The following SIPA1L1 variants were observed in gnomAD, a reference collection of about 807,000 sequenced individuals.
The protein encoded by SIPA1L1 is signal induced proliferation associated 1 like 1.
A neutral mutation model predicts 162.7 loss-of-function variants in SIPA1L1; 26 were observed. That is an observed-to-expected ratio of 0.16 (90% confidence interval 0.12 to 0.22). The LOEUF (loss-of-function observed/expected upper bound fraction) is 0.22, where lower values mean the gene tolerates loss of function less well. SIPA1L1 is among the 10% of genes least tolerant of loss of function. SIPA1L1 has a pLI of 1.00. For synonymous variants in SIPA1L1, 829 were observed against 837.4 expected (o/e 0.99, Z 0.17); for missense variants, 1,874 against 2,241.0 (o/e 0.84, Z 3.31).
chr14:71,408,066 CTT>C (rs1375406573), intron 2 of SIPA1L1, among the ~76,000 whole-genome samples: 1 of 152,152 alleles, frequency 6.6e-6, no homozygotes, highest in East Asian at 1.9e-4. Flanking sequence ...TTATTAATGA[CTT>C]TGATGGGTTC....
chr14:71,526,691 C>A (rs142043075), intron 3 of SIPA1L1, among the ~76,000 whole-genome samples: 1 of 151,986 alleles, frequency 6.6e-6, no homozygotes, highest in Admixed American at 6.6e-5. Flanking sequence ...TTATGGCCTG[C>A]AAAGCCTGAA....
chr14:71,736,514 C>T (rs533481242), intron 22 of SIPA1L1, among the ~76,000 whole-genome samples: 2 of 152,314 alleles, frequency 1.3e-5, no homozygotes, highest in South Asian at 2.1e-4. Context: ...TAAACTGGGG[C>T]TTGCCATTGA....
In SIPA1L1 at chr14:71,530,559, G is replaced by A. The variant is rs1045009615; in HGVS notation, c.-303+1189G>A. On this transcript the variant is annotated intron_variant, in intron 4 of 23. Transcript: ENST00000381232. ...AGTAGGAATATTTCAAATATAAAAA[G>A]CATATAAGGCATAACACAAATATCC... Among the ~76,000 whole-genome samples the A allele has an allele frequency of 2.6e-5, 4 of 152,058 alleles. No individual in the cohort carries two copies. In the South Asian group the frequency reaches 8.3e-4, roughly 31 times the overall value.
At chr14:71,566,160 C>T (rs147581748) in intron 4 of SIPA1L1, among the ~76,000 whole-genome samples, 221 of 152,046 alleles carry the variant, frequency 1.5e-3, no homozygotes, top group Non-Finnish European at 2.5e-3. Context: ...ACACCAGTAA[C>T]GGTATATTAG....
chr14:71,504,732 A>C (rs1053704075), intron 2 of SIPA1L1, among the ~76,000 whole-genome samples: 1 of 152,236 alleles, frequency 6.6e-6, no homozygotes, highest in Admixed American at 6.5e-5. Flanking sequence ...GAAGTGAAGA[A>C]AAATGTGAAT....
intron 7 of SIPA1L1, among the ~76,000 whole-genome samples, chr14:71,635,502 A>G (rs1475665064): frequency 6.6e-6 from 1 of 152,208 alleles, no homozygotes; most frequent in African/African-American, 2.4e-5. Context: ...AAGAGAGGTA[A>G]AGTTTCTACA....
In SIPA1L1 at chr14:71,589,327, A is replaced by G; in HGVS notation, c.1455A>G (p.Val485=). ...TGAAAAGATACATCGTGGAACACGT[A>G]GATCTGGGTGCATACTATTATAGAA... ...DRVKRYIVEH[V]DLGAYYYRKF... Residue 485 remains valine (V), a synonymous_variant, in exon 5 of 24, where the codon GTA becomes GTG. Coordinates refer to ENST00000381232, the MANE Select transcript of SIPA1L1 (RefSeq NM_001386936.1). 1 of 1,613,628 alleles carries G rather than the reference A, an allele frequency of 6.2e-7. No individual in the cohort carries two copies. Among genetic ancestry groups the G allele is most frequent in the Non-Finnish European group, 8.5e-7 (1 of 1,179,652 alleles).
chr14:71,377,695 C>A lies in SIPA1L1; in HGVS notation c.-465+56514C>A, dbSNP rs755466738. Among the ~76,000 whole-genome samples the A allele has an allele frequency of 6.6e-6, 1 of 152,236 alleles. No homozygotes were observed. The highest frequency in any genetic ancestry group is 1.5e-5 in the Non-Finnish European group (1 of 68,040). On this transcript the variant is annotated intron_variant, in intron 2 of 23. Coordinates refer to ENST00000381232, the MANE Select transcript of SIPA1L1 (RefSeq NM_001386936.1). This position sits in a 1 kb window ranked among gnomAD's most constrained non-coding sequence, Gnocchi z 4.8. ...ACTCCAGCGTGGGCAACATTGAGCA[C>A]TGAGTGAGTGAGACTCCGTCTGCAA...
At chr14:71,341,282 T>G (rs1594896360) in intron 2 of SIPA1L1, among the ~76,000 whole-genome samples, 1 of 152,238 alleles carries the variant, frequency 6.6e-6, no homozygotes, top group Non-Finnish European at 1.5e-5. Context: ...TCACGTTACT[T>G]CCCAACTTGA....
At chr14:71,521,132 T>A (rs903064180) in intron 3 of SIPA1L1, among the ~76,000 whole-genome samples, 4 of 152,166 alleles carry the variant, frequency 2.6e-5, no homozygotes, top group African/African-American at 9.7e-5. Context: ...GCTATGAACA[T>A]CCTTGTTTAT....
At chr14:71,357,193 G>A (rs2037359468) in intron 2 of SIPA1L1, among the ~76,000 whole-genome samples, 1 of 152,070 alleles carries the variant, frequency 6.6e-6, no homozygotes. Context: ...CCGAGTAGCT[G>A]GGACTGTGTG....
intron 2 of SIPA1L1, among the ~76,000 whole-genome samples, chr14:71,402,160 A>G (rs1423968571): frequency 6.6e-6 from 1 of 152,092 alleles, no homozygotes; most frequent in Non-Finnish European, 1.5e-5. Context: ...ATTACCTTGC[A>G]AGAGTATTAT....
chr14:71,594,994 G>A (rs1331629684), intron 5 of SIPA1L1, among the ~76,000 whole-genome samples: 1 of 152,120 alleles, frequency 6.6e-6, no homozygotes, highest in Non-Finnish European at 1.5e-5. Context: ...TTTCTTCACT[G>A]TGATCTCAAA....
At chr14:71,724,914 C>A in intron 19 of SIPA1L1, 79 bp downstream of exon 19, 1 of 1,325,798 alleles carries the variant, frequency 7.5e-7, no homozygotes, top group Non-Finnish European at 1.1e-6. Flanking sequence ...GTCACACTTT[C>A]CAGAAAGTGT....
chr14:71,635,160 T>C (rs1439889400), intron 7 of SIPA1L1, among the ~76,000 whole-genome samples: 1 of 151,830 alleles, frequency 6.6e-6, no homozygotes, highest in African/African-American at 2.4e-5. Context: ...GTGCCTATAA[T>C]CCCAGGTACT....
intron 2 of SIPA1L1, among the ~76,000 whole-genome samples, chr14:71,341,920 CT>C (rs984862960): frequency 2.6e-5 from 4 of 152,082 alleles, no homozygotes; most frequent in Admixed American, 6.6e-5. Flanking sequence ...TGAACACCTC[CT>C]TTGATTCCAT....
At chr14:71,684,716 C>G (rs983609713) in intron 12 of SIPA1L1, among the ~76,000 whole-genome samples, 18 of 151,660 alleles carry the variant, frequency 1.2e-4, no homozygotes, top group Non-Finnish European at 2.4e-4. Context: ...TGTGAAGCTG[C>G]TTATACACTC....
At position 71,723,864 on chromosome 14, in the gene SIPA1L1, G is replaced by A. The variant is rs1323134081; in HGVS notation, c.4426G>A (p.Val1476Met). The A allele has an allele frequency of 2.5e-6, 4 of 1,614,200 alleles. No individual in the cohort carries two copies. Among genetic ancestry groups the A allele is most frequent in the South Asian group, 2.2e-5 (2 of 91,080 alleles). ...WKKPEGTINS[V>M]GFMDTRKRHQ... ...AAAACCCGAAGGAACCATAAACTCCGTGGGATTTATGGACACGAGAAAGTA... is the reference window on the plus strand; with the variant it reads ...AAAACCCGAAGGAACCATAAACTCCATGGGATTTATGGACACGAGAAAGTA... The change falls in exon 18 of 24, where the codon GTG becomes ATG. Residue 1476 changes from valine to methionine, a missense_variant. By Grantham distance (21) the Val-to-Met change is conservative. Transcript: ENST00000381232.
chr14:71,410,760 G>A lies in SIPA1L1; in HGVS notation c.-465+89579G>A, dbSNP rs71427111. Among the ~76,000 whole-genome samples, 1,147 of 152,228 alleles carry A rather than the reference G, an allele frequency of 7.5e-3. 6 individuals are homozygous for A. Among genetic ancestry groups the A allele is most frequent in the Non-Finnish European group, 0.012 (816 of 68,022 alleles). Reference sequence around the variant, plus strand: ...TTCACAAAATTGTGTGAGTCAGGGTGGGGGGTAAGGTTAGCTATAGGGAGA... The same window carrying A: ...TTCACAAAATTGTGTGAGTCAGGGTAGGGGGTAAGGTTAGCTATAGGGAGA... On this transcript the variant is annotated intron_variant, in intron 2 of 23. Coordinates refer to ENST00000381232, the MANE Select transcript of SIPA1L1 (RefSeq NM_001386936.1).
Sources: gnomAD v4.1 joint callset for allele counts (sites outside exome capture counted in the v4.1 genomes callset) on GRCh38, gnomAD v4.1.1 for gene constraint, Gnocchi (gnomAD v3.1) non-coding constraint, MANE v1.5 for transcripts, NCBI Gene and HGNC (gene_info 2026-07-23, HGNC 2026-07-21) for gene names.